ST8SIA6: variants seen among roughly 807,000 people sequenced by gnomAD.
ST8SIA6 encodes the protein alpha-2,8-sialyltransferase 8F.
Under a neutral mutation model 33.6 loss-of-function variants are expected in ST8SIA6, and 39 were observed. The observed-to-expected ratio is 1.16, with a 90% CI of 0.90 to 1.52. ST8SIA6 has a LOEUF of 1.52. Ranked by LOEUF, ST8SIA6 falls within the 40% of genes most tolerant of loss-of-function variation. ST8SIA6 has a pLI of 0.00. For missense variants in ST8SIA6, 441 were observed against 443.8 expected (o/e 0.99, Z 0.06); for synonymous variants, 172 against 167.2 (o/e 1.03, Z -0.22).
chr10:17,438,415 G>A (rs143284519), intron 2 of ST8SIA6, among the ~76,000 whole-genome samples: 1 of 152,162 alleles, frequency 6.6e-6, no homozygotes, highest in East Asian at 1.9e-4. Flanking sequence ...ACCCCAGCTG[G>A]TAACATATAC....
In ST8SIA6 at chr10:17,374,764, T is replaced by TATATATATATATATACAC. The variant is rs1441288579; in HGVS notation, c.291-15165_291-15164insGTGTATATATATATATAT. On this transcript the variant is annotated intron_variant, in intron 3 of 7. Transcript: ENST00000377602. ...TAAATAAATAATAAATATATATATA[T>TATATATATATATATACAC]ATATTTAGCTCAACTGCCCTCCCAA... is the stretch of plus-strand genomic sequence containing the variant. Among the ~76,000 whole-genome samples the TATATATATATATATACAC allele has an allele frequency of 9.8e-4, 124 of 126,842 alleles. 7 individuals carry two copies. In the South Asian group the frequency reaches 0.014, roughly 15 times the overall value. The allele number at this position is 126,842 out of a possible 152,430, so 83.2% of individuals were successfully genotyped here. A position where few individuals can be genotyped will look rare whatever the true frequency, so the allele number is the denominator to read the frequency against.
intron 3 of ST8SIA6, among the ~76,000 whole-genome samples, chr10:17,378,746 A>G (rs1329653663): frequency 6.6e-6 from 1 of 152,162 alleles, no homozygotes; most frequent in African/African-American, 2.4e-5. Flanking sequence ...AGCATTTGCA[A>G]AAGTGTTCCA....
At chr10:17,451,692 A>T (rs1351789671) in intron 2 of ST8SIA6, among the ~76,000 whole-genome samples, 1 of 152,200 alleles carries the variant, frequency 6.6e-6, no homozygotes, top group Non-Finnish European at 1.5e-5. Flanking sequence ...TCATGTGGGA[A>T]GATCAGACCA....
intron 3 of ST8SIA6, among the ~76,000 whole-genome samples, chr10:17,376,257 G>C (rs771322316): frequency 6.6e-6 from 1 of 152,198 alleles, no homozygotes; most frequent in Admixed American, 6.5e-5. Context: ...TCTTAAGATG[G>C]AAGGAACCAG....
intron 2 of ST8SIA6, among the ~76,000 whole-genome samples, chr10:17,391,386 C>T (rs1850605420): frequency 6.6e-6 from 1 of 152,030 alleles, no homozygotes; most frequent in Non-Finnish European, 1.5e-5. Flanking sequence ...CTCAGCCTCC[C>T]GAGTGGTGGG....
intron 2 of ST8SIA6, chr10:17,413,509 G>C (rs1362692270): frequency 6.6e-6 from 1 of 151,978 alleles, no homozygotes; most frequent in Non-Finnish European, 1.5e-5. Flanking sequence ...CTTTGACATC[G>C]CTTCTGTCTA....
At chr10:17,425,467 T>A (rs1564458363) in intron 2 of ST8SIA6, among the ~76,000 whole-genome samples, 3 of 152,026 alleles carry the variant, frequency 2.0e-5, no homozygotes, top group South Asian at 4.2e-4. Context: ...CTTGAGAGGC[T>A]GAGGTGGGAG....
intron 3 of ST8SIA6, 83 bp from the exon 4 acceptor site, chr10:17,359,683 CT>C: frequency 1.4e-6 from 1 of 734,022 alleles, no homozygotes; most frequent in Admixed American, 3.5e-5. Flanking sequence ...AATCTACTCC[CT>C]TTAGTCTATA....
At chr10:17,351,577 T>C (rs1025219587) in intron 4 of ST8SIA6, among the ~76,000 whole-genome samples, 2 of 150,280 alleles carry the variant, frequency 1.3e-5, no homozygotes, top group Non-Finnish European at 3.0e-5. Flanking sequence ...GAAATCAATA[T>C]GTTAAAAAGA....
Position 17,327,214 on chromosome 10 carries a change from A to T in ST8SIA6, c.523-88T>A, listed in dbSNP as rs372368453. 2.4e-5 allele frequency: 23 copies of T among 958,854 alleles called. No individual in the cohort carries two copies. In the East Asian group the frequency reaches 6.2e-4, roughly 26 times the overall value. 59.4% of individuals were successfully genotyped at this position (958,854 alleles called of 1,614,324 possible). ...CTTAATTCTAGTAACTTAACTCTTT[A>T]TACATGCTAAGGAGAAGAATACGAA... On this transcript the variant is annotated intron_variant, in intron 5 of 7. Coordinates refer to ENST00000377602, the MANE Select transcript of ST8SIA6 (RefSeq NM_001004470.3).
chr10:17,387,593 A>C (rs981079138), intron 3 of ST8SIA6, among the ~76,000 whole-genome samples: 1 of 152,150 alleles, frequency 6.6e-6, no homozygotes, highest in African/African-American at 2.4e-5. Flanking sequence ...TCATAGGGCT[A>C]TCCTTCTGTG....
At chr10:17,346,851 A>T (rs916769516) in intron 4 of ST8SIA6, among the ~76,000 whole-genome samples, 2 of 152,108 alleles carry the variant, frequency 1.3e-5, no homozygotes, top group Non-Finnish European at 2.9e-5. Context: ...GTCTCTATGT[A>T]TCTTTGTATC....
rs896014020 is a variant in ST8SIA6, at chr10:17,436,219, T to G, written c.200+17340A>C. Among the ~76,000 whole-genome samples the G allele has an allele frequency of 3.9e-5, 6 of 152,136 alleles. No homozygotes were observed. The South Asian group carries it at 1.0e-3, about 26-fold the overall frequency. Reference sequence around the variant, plus strand: ...TTGTCTTACTGATAAAACTCCAATATTGTTTGGCTGTGTCCCCACCCACAT... The same window carrying G: ...TTGTCTTACTGATAAAACTCCAATAGTGTTTGGCTGTGTCCCCACCCACAT... On this transcript the variant is annotated intron_variant, in intron 2 of 7. Transcript: ENST00000377602.
chr10:17,390,759 G>T, intron 2 of ST8SIA6, 139 bp from the exon 3 acceptor site: 4 of 537,340 alleles, frequency 7.4e-6, no homozygotes, highest in East Asian at 3.8e-5. Context: ...TTTCTCCATG[G>T]AAAAGGAAAT....
chr10:17,369,239 C>A (rs1478012901), intron 3 of ST8SIA6, among the ~76,000 whole-genome samples: 3 of 152,148 alleles, frequency 2.0e-5, no homozygotes, highest in African/African-American at 7.2e-5. Flanking sequence ...TTATTACCCC[C>A]TGCATCCCAT....
At chr10:17,411,466 AG>A (rs1851448059) in intron 2 of ST8SIA6, among the ~76,000 whole-genome samples, 1 of 152,176 alleles carries the variant, frequency 6.6e-6, no homozygotes, top group South Asian at 2.1e-4. Flanking sequence ...TACAGGCATG[AG>A]CCACTGCACC....
At chr10:17,383,247 C>A (rs1850218267) in intron 3 of ST8SIA6, among the ~76,000 whole-genome samples, 1 of 152,038 alleles carries the variant, frequency 6.6e-6, no homozygotes, top group East Asian at 1.9e-4. Context: ...TTTCTAAAAT[C>A]AAATTATCAA....
intron 2 of ST8SIA6, among the ~76,000 whole-genome samples, chr10:17,418,427 T>C (rs547081414): frequency 4.6e-5 from 7 of 152,320 alleles, no homozygotes; most frequent in African/African-American, 1.7e-4. Flanking sequence ...TTGTGCTTCC[T>C]GAAATACCAG....
At chr10:17,440,756 G>A (rs943037187) in intron 2 of ST8SIA6, among the ~76,000 whole-genome samples, 1 of 152,080 alleles carries the variant, frequency 6.6e-6, no homozygotes, top group Admixed American at 6.6e-5. Flanking sequence ...AACCTTGGGA[G>A]GAAGCCTTCT....
Sources: allele counts gnomAD v4.1 joint callset (sites outside exome capture counted in the v4.1 genomes callset), GRCh38; gene constraint gnomAD v4.1.1; transcripts MANE v1.5; gene names NCBI Gene and HGNC (gene_info 2026-07-23, HGNC 2026-07-21).